Variants in ECE1 observed in about 807,000 individuals in gnomAD.
The protein encoded by ECE1 is endothelin-converting enzyme 1.
A neutral mutation model predicts 98.6 loss-of-function variants in ECE1; 35 were observed. The ratio of observed to expected loss-of-function variants is 0.35; its 90% CI spans 0.27 to 0.47. The LOEUF is 0.47. Among genes scored for constraint, ECE1 ranks in the 20% least tolerant of loss-of-function variants. The probability of loss-of-function intolerance (pLI) is 1.00; values close to 1 mark genes in which losing one functional copy is unlikely to be tolerated. For synonymous variants in ECE1, 394 were observed against 407.1 expected (o/e 0.97, Z 0.39); for missense variants, 814 against 1,025.3 (o/e 0.79, Z 2.81).
rs1003366569 is a variant in ECE1 at position 21,327,432 on chromosome 1, C to G, written c.3+17944G>C. Among the ~76,000 whole-genome samples, 2 of 152,224 alleles carry G rather than the reference C, an allele frequency of 1.3e-5. No individual in the cohort carries two copies. The highest frequency in any genetic ancestry group is 4.8e-5 in the African/African-American group (2 of 41,452). On this transcript the variant is annotated intron_variant, in intron 1 of 18. Coordinates refer to the ECE1 transcript ENST00000415912. The surrounding 1 kb of genome is among the most constrained non-coding windows in gnomAD (Gnocchi z 4.6). ...TCAGTTTCTCTGTCTGCCTCTCCCT[C>G]ACCACTACCACTGGCCTGGGCAAAG... is the stretch of plus-strand genomic sequence containing the variant.
At chr1:21,259,679 T>C (rs2098224272) in intron 5 of ECE1, among the ~76,000 whole-genome samples, 1 of 152,112 alleles carries the variant, frequency 6.6e-6, no homozygotes, top group Non-Finnish European at 1.5e-5. Flanking sequence ...GGCAGGGCTG[T>C]CCAGGGAACA....
At chr1:21,240,393 A>C (rs1169096789) in intron 10 of ECE1, among the ~76,000 whole-genome samples, 1 of 152,044 alleles carries the variant, frequency 6.6e-6, no homozygotes, top group African/African-American at 2.4e-5. Flanking sequence ...AGGCTGAGGC[A>C]CAAGAATCGC....
intron 1 of ECE1, among the ~76,000 whole-genome samples, chr1:21,338,946 G>C (rs1223587637): frequency 7.0e-6 from 1 of 142,028 alleles, no homozygotes; most frequent in Non-Finnish European, 1.5e-5. Flanking sequence ...GAAGGGAGCT[G>C]TGGGAGGAGG....
chr1:21,289,454 G>A (rs2098264055), intron 2 of ECE1, among the ~76,000 whole-genome samples: 1 of 152,190 alleles, frequency 6.6e-6, no homozygotes, highest in Admixed American at 6.5e-5. Context: ...GGGCAGATGG[G>A]ATGCCCACGG....
intron 1 of ECE1, among the ~76,000 whole-genome samples, chr1:21,342,633 C>T (rs1458412654): frequency 6.6e-6 from 1 of 150,578 alleles, no homozygotes; most frequent in Non-Finnish European, 1.5e-5. Flanking sequence ...CACACACACA[C>T]ACACACACAC....
chr1:21,333,850 C>T (rs546566726), intron 1 of ECE1, among the ~76,000 whole-genome samples: 4 of 152,138 alleles, frequency 2.6e-5, no homozygotes, highest in African/African-American at 7.2e-5. Flanking sequence ...AAAAAAATGA[C>T]GGAGCCACAA....
intron 4 of ECE1, among the ~76,000 whole-genome samples, chr1:21,269,941 C>G (rs897154045): frequency 6.6e-6 from 1 of 152,178 alleles, no homozygotes; most frequent in African/African-American, 2.4e-5. Context: ...CCATTGGATG[C>G]AGCTCCCCAC....
intron 4 of ECE1, among the ~76,000 whole-genome samples, chr1:21,269,146 C>T (rs1002891379): frequency 6.6e-6 from 1 of 152,216 alleles, no homozygotes; most frequent in African/African-American, 2.4e-5. Context: ...AGGGCCTCTC[C>T]CTGCTGAATC....
In ECE1 at chr1:21,307,204, T is replaced by C. The variant is rs1638617831; in HGVS notation, c.4-17048A>G. Among the ~76,000 whole-genome samples the C allele has an allele frequency of 6.6e-6, 1 of 152,212 alleles. No homozygotes were observed. The highest frequency in any genetic ancestry group is 6.5e-5 in the Admixed American group (1 of 15,284). The stretch of plus-strand genomic sequence containing the variant: ...CCAGCCCGGGCCCTGTAATGCTGGC[T>C]TTAACATTTCCAAAGCGGGCTCGTT... On this transcript the variant is annotated intron_variant, in intron 1 of 18. Coordinates refer to the ECE1 transcript ENST00000415912. The surrounding 1 kb of genome is among the most constrained non-coding windows in gnomAD (Gnocchi z 4.2).
At chr1:21,320,400 T>C (rs1280816453) in intron 1 of ECE1, among the ~76,000 whole-genome samples, 1 of 147,714 alleles carries the variant, frequency 6.8e-6, no homozygotes, top group Non-Finnish European at 1.5e-5. Flanking sequence ...TCATGGAAGG[T>C]GCTGGAGAAA....
At chr1:21,326,470 G>A (rs528318905) in intron 1 of ECE1, among the ~76,000 whole-genome samples, 5 of 152,232 alleles carry the variant, frequency 3.3e-5, no homozygotes, top group African/African-American at 1.2e-4. Flanking sequence ...AAGGGGTCCA[G>A]GGAGAAGAAG....
rs2098186474 is a variant in ECE1 at position 21,235,175 on chromosome 1, G to A, written c.1566+675C>T. Among the ~76,000 whole-genome samples, 1 of 152,130 alleles carries A rather than the reference G, an allele frequency of 6.6e-6. No homozygotes were observed. Among genetic ancestry groups the A allele is most frequent in the African/African-American group, 2.4e-5 (1 of 41,426 alleles). Reference sequence around the variant, plus strand: ...AAAAAAAATTTTTTCTTAAATACCTGAATTCAAGTATTTCAATCACAAGAA... The same window carrying A: ...AAAAAAAATTTTTTCTTAAATACCTAAATTCAAGTATTTCAATCACAAGAA... On this transcript the variant is annotated intron_variant, in intron 13 of 18. Transcript: ENST00000374893. This position sits in a 1 kb window ranked among gnomAD's most constrained non-coding sequence, Gnocchi z 4.2.
chr1:21,268,170 G>A (rs974260210), intron 4 of ECE1, among the ~76,000 whole-genome samples: 6 of 152,302 alleles, frequency 3.9e-5, no homozygotes, highest in Middle Eastern at 6.8e-3. Context: ...GAAAAGTCTC[G>A]GAGGCTTTGG....
intron 11 of ECE1, 71 bp downstream of exon 11, chr1:21,238,063 T>C: frequency 7.0e-7 from 1 of 1,436,422 alleles, no homozygotes; most frequent in Non-Finnish European, 9.8e-7. Flanking sequence ...GGCTGGAGTG[T>C]GAACTGGCAG....
intron 1 of ECE1, among the ~76,000 whole-genome samples, chr1:21,330,357 T>G (rs1430114175): frequency 1.3e-5 from 2 of 149,898 alleles, no homozygotes; most frequent in Non-Finnish European, 3.0e-5. Context: ...GCCTCCTGAG[T>G]AGCTGGGACC....
At chr1:21,252,664 G>A (rs950533031) in intron 8 of ECE1, among the ~76,000 whole-genome samples, 9 of 152,204 alleles carry the variant, frequency 5.9e-5, no homozygotes, top group Non-Finnish European at 1.0e-4. Flanking sequence ...GGACTAGCCT[G>A]GAAGCATTCT....
At chr1:21,271,643 C>T (rs3026868) in intron 4 of ECE1, among the ~76,000 whole-genome samples, 11,099 of 152,106 alleles carry the variant, frequency 0.073, 552 homozygotes, top group Non-Finnish European at 0.11. Flanking sequence ...CTTTATGGTA[C>T]AGCACAGGTG....
intron 1 of ECE1, among the ~76,000 whole-genome samples, chr1:21,343,010 T>C (rs974032676): frequency 6.6e-5 from 10 of 152,220 alleles, no homozygotes; most frequent in African/African-American, 2.2e-4. Context: ...AGCCCCATTC[T>C]GGCCTTTCCA....
rs754886967 is a variant in ECE1, at chr1:21,235,815, T to A, written c.1566+35A>T. On this transcript the variant is annotated intron_variant, in intron 13 of 18. Coordinates refer to ENST00000374893, the MANE Select transcript of ECE1 (RefSeq NM_001397.3). The surrounding 1 kb of genome is among the most constrained non-coding windows in gnomAD (Gnocchi z 4.2). ...CTCGGCCCTTTTCTAAGGGGGCATT[T>A]AGGAACGCAAGGGGGCAGGGCAGCA... 4.8e-5 allele frequency: 78 copies of A among 1,610,086 alleles called. No individual in the cohort carries two copies. The highest frequency in any genetic ancestry group is 6.5e-5 in the Non-Finnish European group (76 of 1,176,356).
Sources: allele counts gnomAD v4.1 joint callset (sites outside exome capture counted in the v4.1 genomes callset), GRCh38; gene constraint gnomAD v4.1.1; non-coding constraint Gnocchi (gnomAD v3.1); transcripts MANE v1.5; gene names NCBI Gene and HGNC (gene_info 2026-07-23, HGNC 2026-07-21).